Variants in YAF2 observed in about 807,000 individuals in gnomAD.
YAF2 encodes YY1 associated factor 2, also known as YY1-associated factor 2.
Under a neutral mutation model 20.1 loss-of-function variants are expected in YAF2, and 7 were observed. The observed-to-expected ratio is 0.35, with a 90% CI of 0.20 to 0.65. The LOEUF is 0.65. YAF2 is among the 30% of genes least tolerant of loss of function. YAF2 has a pLI of 0.69. For synonymous variants in YAF2, 74 were observed against 76.0 expected (o/e 0.97, Z 0.14); for missense variants, 151 against 219.2 (o/e 0.69, Z 1.96).
chr12:42,165,799 T>C (rs2065902269), intron 2 of YAF2, among the ~76,000 whole-genome samples: 1 of 139,824 alleles, frequency 7.2e-6, no homozygotes, highest in Non-Finnish European at 1.5e-5. Flanking sequence ...TTTTTTTTAA[T>C]GTAACTAACT....
chr12:42,209,852 G>A (rs1047029291), intron 2 of YAF2, among the ~76,000 whole-genome samples: 10 of 152,176 alleles, frequency 6.6e-5, no homozygotes, highest in African/African-American at 2.4e-4. Flanking sequence ...AGGTTGGAGT[G>A]CAATGGCACA....
Position 42,159,239 on chromosome 12 carries a change from G to A in YAF2, c.*1350C>T, listed in dbSNP as rs541322418. On this transcript the variant is annotated 3_prime_UTR_variant, in exon 4 of 4. Transcript: ENST00000534854. ...TTTTTTCTTCAAATGTTATCATGAT[G>A]TCTTATGTGATATTTTGCATCCACA... 1 of 152,146 alleles carries A rather than the reference G, an allele frequency of 6.6e-6. No homozygotes were observed. The highest frequency in any genetic ancestry group is 2.1e-4 in the South Asian group (1 of 4,830). 9.4% of individuals were successfully genotyped at this position (152,146 alleles called of 1,614,324 possible). A position where few individuals can be genotyped will look rare whatever the true frequency, so the allele number is the denominator to read the frequency against.
chr12:42,170,043 T>C (rs1170356633), intron 2 of YAF2, among the ~76,000 whole-genome samples: 6 of 151,790 alleles, frequency 4.0e-5, no homozygotes, highest in Non-Finnish European at 8.8e-5. Context: ...GGTAATTTTT[T>C]TATTTTTTGT....
At chr12:42,232,590 C>T (rs776301406) in intron 2 of YAF2, 120 of 985,256 alleles carry the variant, frequency 1.2e-4, no homozygotes, top group Non-Finnish European at 1.4e-4. Context: ...AGACAGGAGG[C>T]GGCTCAGGAA....
chr12:42,192,647 G>A (rs2066644340), intron 2 of YAF2, among the ~76,000 whole-genome samples: 1 of 152,164 alleles, frequency 6.6e-6, no homozygotes, highest in Admixed American at 6.5e-5. Context: ...AGACTAAGTA[G>A]CACACTATTA....
At position 42,235,229 on chromosome 12, in the gene YAF2, T is replaced by G. The variant is rs568897589; in HGVS notation, c.152+2370A>C. On this transcript the variant is annotated intron_variant, in intron 2 of 3. Coordinates refer to ENST00000534854, the MANE Select transcript of YAF2 (RefSeq NM_005748.6). Reference sequence around the variant, plus strand: ...CCTTCTGCTCTGCAGCTATCCAGTCTTGGCTTTAGTACTTGCCAACCTTAC... The same window carrying G: ...CCTTCTGCTCTGCAGCTATCCAGTCGTGGCTTTAGTACTTGCCAACCTTAC... 204 of 995,980 alleles carry G rather than the reference T, an allele frequency of 2.0e-4. No individual in the cohort carries two copies. In the South Asian group the frequency reaches 7.8e-3, roughly 38 times the overall value. 61.7% of individuals were successfully genotyped at this position (995,980 alleles called of 1,614,324 possible).
intron 2 of YAF2, among the ~76,000 whole-genome samples, chr12:42,162,800 C>G (rs12309515): frequency 0.01 from 1,528 of 152,142 alleles, 32 homozygotes; most frequent in African/African-American, 0.035. Context: ...AAGCAGATAT[C>G]AGGAGATGGA....
chr12:42,170,141 G>A (rs996130386), intron 2 of YAF2, among the ~76,000 whole-genome samples: 1 of 152,100 alleles, frequency 6.6e-6, no homozygotes, highest in Non-Finnish European at 1.5e-5. Flanking sequence ...CAAAGTGCTG[G>A]GGTTACAGGC....
At chr12:42,164,674 C>T (rs996873446) in intron 2 of YAF2, among the ~76,000 whole-genome samples, 1 of 144,324 alleles carries the variant, frequency 6.9e-6, no homozygotes, top group African/African-American at 2.5e-5. Context: ...TAAATCTCAT[C>T]AAAAAAAAAA....
chr12:42,196,227 GAAAAAAAAA>G (rs34267272), intron 2 of YAF2, among the ~76,000 whole-genome samples: 17 of 74,512 alleles, frequency 2.3e-4, no homozygotes, highest in South Asian at 1.7e-3. Flanking sequence ...AATCCATCTG[GAAAAAAAAA>G]AAAAAAAAAA....
intron 2 of YAF2, chr12:42,205,874 A>C (rs746624982): frequency 1.1e-4 from 45 of 419,706 alleles, no homozygotes; most frequent in Non-Finnish European, 1.9e-4. Context: ...TTTTGATACA[A>C]CACTTTTGTT....
intron 2 of YAF2, chr12:42,234,810 AT>A (rs1025256168): frequency 3.8e-6 from 3 of 791,258 alleles, no homozygotes; most frequent in African/African-American, 3.8e-5. Flanking sequence ...CAACATAGAG[AT>A]CCCCCATCTC....
intron 2 of YAF2, among the ~76,000 whole-genome samples, chr12:42,236,872 T>G (rs978240254): frequency 6.6e-6 from 1 of 152,242 alleles, no homozygotes; most frequent in African/African-American, 2.4e-5. Context: ...ATGATTTTCT[T>G]TATTCACTTA....
At chr12:42,219,306 G>A (rs2137291318) in intron 2 of YAF2, among the ~76,000 whole-genome samples, 1 of 152,262 alleles carries the variant, frequency 6.6e-6, no homozygotes. Flanking sequence ...ATTCTAACAG[G>A]CAAACCTCTC....
chr12:42,207,621 G>A lies in YAF2; in HGVS notation c.152+29978C>T, dbSNP rs778176978. On this transcript the variant is annotated intron_variant, in intron 2 of 3. Coordinates refer to ENST00000534854, the MANE Select transcript of YAF2 (RefSeq NM_005748.6). The stretch of plus-strand genomic sequence containing the variant: ...AAACTGGTAAGTGTAGGCTGGGCAC[G>A]GTGGCTCATGCCTGTAATCCCAGCA... Among the ~76,000 whole-genome samples, 10 of 152,252 alleles carry A rather than the reference G, an allele frequency of 6.6e-5. No homozygotes were observed. In the East Asian group the frequency reaches 7.7e-4, roughly 12 times the overall value.
chr12:42,176,374 GC>G (rs1182242810), intron 2 of YAF2, among the ~76,000 whole-genome samples: 7 of 151,998 alleles, frequency 4.6e-5, no homozygotes, highest in Non-Finnish European at 8.8e-5. Context: ...TCCTGCCTCA[GC>G]CACCCAAAGT....
intron 2 of YAF2, among the ~76,000 whole-genome samples, chr12:42,218,227 C>CAG (rs2067416763): frequency 6.9e-6 from 1 of 145,418 alleles, no homozygotes; most frequent in African/African-American, 2.6e-5. Context: ...CACACACACA[C>CAG]AGATGATTAT....
chr12:42,172,414 CT>C (rs1163560993), intron 2 of YAF2, among the ~76,000 whole-genome samples: 3 of 152,174 alleles, frequency 2.0e-5, no homozygotes, highest in Non-Finnish European at 4.4e-5. Flanking sequence ...CTAGAGCCTT[CT>C]TAAATATGCT....
intron 2 of YAF2, chr12:42,233,760 G>A: frequency 1.0e-6 from 1 of 983,324 alleles, no homozygotes; most frequent in African/African-American, 1.7e-5. Flanking sequence ...AAATCCTCCT[G>A]TCTCAGCCTC....
Sources: allele counts gnomAD v4.1 joint callset (sites outside exome capture counted in the v4.1 genomes callset), GRCh38; gene constraint gnomAD v4.1.1; transcripts MANE v1.5; gene names NCBI Gene and HGNC (gene_info 2026-07-23, HGNC 2026-07-21).